Variants in B3GALT1 observed in about 807,000 individuals in gnomAD.
B3GALT1 encodes beta-1,3-galactosyltransferase 1, also known as UDP-Gal:betaGlcNAc beta 1,3-galactosyltransferase, polypeptide 1.
A neutral mutation model predicts 23.2 loss-of-function variants in B3GALT1; 10 were observed. That is an observed-to-expected ratio of 0.43 (90% CI 0.27 to 0.73). The LOEUF (loss-of-function observed/expected upper bound fraction) is 0.73, where lower values mean the gene tolerates loss of function less well. Ranked by LOEUF, B3GALT1 falls within the 30% of genes least tolerant of loss-of-function variation. The pLI, the probability that B3GALT1 is intolerant of heterozygous loss-of-function variation, is 0.21. For synonymous variants in B3GALT1, 156 were observed against 141.5 expected (o/e 1.10, Z -0.73); for missense variants, 299 against 405.4 (o/e 0.74, Z 2.25).
chr2:167,464,885 T>C (rs1699321393), intron 1 of B3GALT1, among the ~76,000 whole-genome samples: 1 of 152,196 alleles, frequency 6.6e-6, no homozygotes, highest in Non-Finnish European at 1.5e-5. Context: ...TGTATTGGCA[T>C]TGTGGTCATT....
intron 1 of B3GALT1, among the ~76,000 whole-genome samples, chr2:167,319,118 G>A (rs1696763687): frequency 6.6e-6 from 1 of 152,226 alleles, no homozygotes; most frequent in South Asian, 2.1e-4. Context: ...ACTCTTTGTG[G>A]GGAATGGTAA....
intron 3 of B3GALT1, among the ~76,000 whole-genome samples, chr2:167,656,056 G>A (rs893839350): frequency 2.0e-5 from 3 of 152,246 alleles, no homozygotes; most frequent in Non-Finnish European, 2.9e-5. Flanking sequence ...GTCTGTTTAG[G>A]TATCAGTCTA....
At chr2:167,313,289 T>C (rs998297779) in intron 1 of B3GALT1, among the ~76,000 whole-genome samples, 2 of 152,104 alleles carry the variant, frequency 1.3e-5, no homozygotes, top group Non-Finnish European at 2.9e-5. Flanking sequence ...GCAGAGGGCA[T>C]ATTTTGAGAT....
At chr2:167,439,314 A>G (rs1698839859) in intron 1 of B3GALT1, among the ~76,000 whole-genome samples, 1 of 152,148 alleles carries the variant, frequency 6.6e-6, no homozygotes, top group Non-Finnish European at 1.5e-5. Context: ...AAGCCACATC[A>G]ATTCCTTTGA....
intron 1 of B3GALT1, among the ~76,000 whole-genome samples, chr2:167,304,762 G>T (rs1173813356): frequency 6.6e-6 from 1 of 152,046 alleles, no homozygotes; most frequent in Non-Finnish European, 1.5e-5. Flanking sequence ...TGTGGTTAGG[G>T]GACCAAGAAT....
At chr2:167,491,730 G>T (rs571634299) in intron 2 of B3GALT1, among the ~76,000 whole-genome samples, 3 of 151,746 alleles carry the variant, frequency 2.0e-5, no homozygotes, top group Non-Finnish European at 1.5e-5. Context: ...CAGGAGAATG[G>T]CATGTACCCA....
intron 3 of B3GALT1, among the ~76,000 whole-genome samples, chr2:167,803,653 T>G (rs913708187): frequency 6.6e-6 from 1 of 152,160 alleles, no homozygotes; most frequent in Non-Finnish European, 1.5e-5. Context: ...CCTTTGACCT[T>G]TAGCAGATGG....
rs113064777 is a variant in B3GALT1, at chr2:167,682,389, G to A, written c.-352+35423G>A. Among the ~76,000 whole-genome samples, 538 of 152,222 alleles carry A rather than the reference G, an allele frequency of 3.5e-3. 4 individuals carry two copies. Among genetic ancestry groups the A allele is most frequent in the African/African-American group, 0.012 (502 of 41,528 alleles). On this transcript the variant is annotated intron_variant, in intron 3 of 4. Coordinates refer to ENST00000392690, the MANE Select transcript of B3GALT1 (RefSeq NM_020981.4). ...CATCTCTCATCTCGTAATTTCTGCTGCCATGTTATCACAATGGTCCCATTT... is the reference window on the plus strand; with the variant it reads ...CATCTCTCATCTCGTAATTTCTGCTACCATGTTATCACAATGGTCCCATTT...
intron 1 of B3GALT1, among the ~76,000 whole-genome samples, chr2:167,478,534 A>G (rs1699518594): frequency 6.7e-6 from 1 of 149,736 alleles, no homozygotes; most frequent in Non-Finnish European, 1.5e-5. Flanking sequence ...TGGCAGTGTG[A>G]AACCAACTTT....
chr2:167,389,273 G>C (rs1697978854), intron 1 of B3GALT1, among the ~76,000 whole-genome samples: 1 of 152,202 alleles, frequency 6.6e-6, no homozygotes, highest in Non-Finnish European at 1.5e-5. Context: ...AAATTTGCAA[G>C]TCAGCGAACA....
At chr2:167,625,943 A>ATATATATG (rs1685333931) in intron 2 of B3GALT1, among the ~76,000 whole-genome samples, 1 of 5,928 alleles carries the variant, frequency 1.7e-4, no homozygotes, top group Non-Finnish European at 6.4e-4. Flanking sequence ...TGACTAGGCC[A>ATATATATG]TATATATATA....
chr2:167,570,030 A>C (rs190904009), intron 2 of B3GALT1, among the ~76,000 whole-genome samples: 10 of 151,938 alleles, frequency 6.6e-5, no homozygotes, highest in African/African-American at 2.4e-4. Context: ...CCACTTGAAC[A>C]TAATGTATTC....
intron 1 of B3GALT1, among the ~76,000 whole-genome samples, chr2:167,295,538 TATTA>T (rs1217283379): frequency 1.2e-4 from 18 of 152,342 alleles, no homozygotes; most frequent in African/African-American, 3.4e-4. Flanking sequence ...GTGTTATACT[TATTA>T]ATTAACAATT....
chr2:167,572,238 A>C (rs1684306472), intron 2 of B3GALT1, among the ~76,000 whole-genome samples: 1 of 151,830 alleles, frequency 6.6e-6, no homozygotes, highest in Non-Finnish European at 1.5e-5. Context: ...GCTTGCTAGT[A>C]AATTCCTTCA....
intron 2 of B3GALT1, among the ~76,000 whole-genome samples, chr2:167,568,601 G>A (rs760097180): frequency 2.4e-4 from 36 of 151,886 alleles, no homozygotes; most frequent in Non-Finnish European, 3.8e-4. Flanking sequence ...TTATTGTTTA[G>A]TTTTTTAATA....
chr2:167,498,065 G>T (rs1384047325), intron 2 of B3GALT1, among the ~76,000 whole-genome samples: 1 of 152,102 alleles, frequency 6.6e-6, no homozygotes, highest in Non-Finnish European at 1.5e-5. Flanking sequence ...GTTCCGTTTT[G>T]CTCTTACCAT....
At chr2:167,746,420 C>A (rs914430994) in intron 3 of B3GALT1, among the ~76,000 whole-genome samples, 1 of 152,204 alleles carries the variant, frequency 6.6e-6, no homozygotes, top group South Asian at 2.1e-4. Flanking sequence ...CCCTCTCAAG[C>A]CTTTTTTCTC....
intron 3 of B3GALT1, among the ~76,000 whole-genome samples, chr2:167,811,209 C>A (rs1027723535): frequency 6.6e-6 from 1 of 152,158 alleles, no homozygotes; most frequent in Non-Finnish European, 1.5e-5. Flanking sequence ...ACATTCAGAT[C>A]AAGTTCTTTG....
chr2:167,713,632 T>C (rs1476279852), intron 3 of B3GALT1: 2 of 1,242,682 alleles, frequency 1.6e-6, no homozygotes, highest in African/African-American at 3.0e-5. Flanking sequence ...TCAAAGTTGC[T>C]TTTGAAGAAA....
Sources: gnomAD v4.1 joint callset for allele counts (sites outside exome capture counted in the v4.1 genomes callset) on GRCh38, gnomAD v4.1.1 for gene constraint, MANE v1.5 for transcripts, NCBI Gene and HGNC (gene_info 2026-07-23, HGNC 2026-07-21) for gene names.